Variants in GRIN2B observed in about 807,000 individuals in gnomAD.
GRIN2B encodes glutamate ionotropic receptor NMDA type subunit 2B.
Under a neutral mutation model 114.5 loss-of-function variants are expected in GRIN2B, and 5 were observed. The ratio of observed to expected loss-of-function variants is 0.04; its 90% CI spans 0.02 to 0.09. The LOEUF is 0.09. GRIN2B is among the 10% of genes least tolerant of loss of function. GRIN2B has a pLI of 1.00. For synonymous variants in GRIN2B, 787 were observed against 745.1 expected (o/e 1.06, Z -0.92); for missense variants, 1,108 against 1,943.5 (o/e 0.57, Z 8.08).
At chr12:13,961,987 A>G (rs1314661985) in intron 2 of GRIN2B, among the ~76,000 whole-genome samples, 1 of 152,178 alleles carries the variant, frequency 6.6e-6, no homozygotes, top group Non-Finnish European at 1.5e-5. Flanking sequence ...TCCCTAAGAC[A>G]GAAATCAGAA....
chr12:13,799,863 T>A (rs1286616708), intron 3 of GRIN2B, among the ~76,000 whole-genome samples: 4 of 152,154 alleles, frequency 2.6e-5, no homozygotes, highest in Non-Finnish European at 4.4e-5. Flanking sequence ...GAGAACCTGC[T>A]AGGCAGGGCA....
At chr12:13,587,528 AT>A (rs1204631329) in intron 10 of GRIN2B, among the ~76,000 whole-genome samples, 1 of 151,376 alleles carries the variant, frequency 6.6e-6, no homozygotes. Flanking sequence ...CTAATTTTTA[AT>A]TTTTTTGTAA....
intron 5 of GRIN2B, among the ~76,000 whole-genome samples, chr12:13,634,905 G>C (rs936205054): frequency 6.6e-6 from 1 of 152,164 alleles, no homozygotes; most frequent in Non-Finnish European, 1.5e-5. Context: ...CTGAAGACTG[G>C]GCAGTATAGC....
intron 5 of GRIN2B, among the ~76,000 whole-genome samples, chr12:13,626,815 CCCCCA>C: frequency 3.9e-4 from 1 of 2,588 alleles, no homozygotes; most frequent in Non-Finnish European, 2.3e-3. Flanking sequence ...CCCCCCCTCC[CCCCCA>C]CCCTCCCCCC....
At chr12:13,576,838 C>T (rs1948783755) in intron 10 of GRIN2B, among the ~76,000 whole-genome samples, 1 of 152,230 alleles carries the variant, frequency 6.6e-6, no homozygotes, top group African/African-American at 2.4e-5. Context: ...CAGGCGAGAG[C>T]CACCATGCTG....
chr12:13,836,567 C>T (rs1865269903), intron 3 of GRIN2B, among the ~76,000 whole-genome samples: 1 of 152,188 alleles, frequency 6.6e-6, no homozygotes, highest in African/African-American at 2.4e-5. Flanking sequence ...ACATTAATTA[C>T]TCAAATTATG....
intron 3 of GRIN2B, among the ~76,000 whole-genome samples, chr12:13,865,436 A>G (rs1165394097): frequency 5.9e-5 from 9 of 151,924 alleles, no homozygotes; most frequent in Admixed American, 5.9e-4. Context: ...GTTTGAGACC[A>G]ACCTGGTCAA....
Position 13,582,183 on chromosome 12 carries a change from CAGATT to C in GRIN2B, c.2011-10224_2011-10220del, listed in dbSNP as rs1565462036. 5.3e-5 allele frequency among the ~76,000 whole-genome samples: 8 copies of C among 152,272 alleles called. No homozygotes were observed. The South Asian group carries it at 1.7e-3, about 32-fold the overall frequency. On this transcript the variant is annotated intron_variant, in intron 10 of 13. Coordinates refer to ENST00000609686, the MANE Select transcript of GRIN2B (RefSeq NM_000834.5). ...AACAAACTGGCTGTGGATATGGTGA[CAGATT>C]AGAAAGTTAAACCCTTCACCTCCAT...
chr12:13,885,732 T>G (rs951650581), intron 2 of GRIN2B, among the ~76,000 whole-genome samples: 1 of 152,198 alleles, frequency 6.6e-6, no homozygotes, highest in Non-Finnish European at 1.5e-5. Context: ...AAGTTTTAAA[T>G]AGGAGTCTCA....
intron 2 of GRIN2B, among the ~76,000 whole-genome samples, chr12:13,869,241 CTTTTTTT>C (rs377460231): frequency 6.3e-5 from 8 of 127,370 alleles, no homozygotes; most frequent in Non-Finnish European, 9.8e-5. Flanking sequence ...CTTTTTTTTT[CTTTTTTT>C]TTTTTTTTTT....
intron 3 of GRIN2B, among the ~76,000 whole-genome samples, chr12:13,783,424 G>A (rs1456631714): frequency 2.8e-4 from 2 of 7,042 alleles, no homozygotes; most frequent in Admixed American, 1.8e-3. Flanking sequence ...AATTGGTAAC[G>A]GAAATAGGTT....
In GRIN2B at chr12:13,563,825, C is replaced by T. The variant is rs187979330; in HGVS notation, c.3413G>A (p.Arg1138Gln). 1.2e-4 allele frequency: 190 copies of T among 1,614,096 alleles called. No homozygotes were observed. The highest frequency in any genetic ancestry group is 6.8e-5 in the Non-Finnish European group (80 of 1,180,018). Reference protein sequence around the residue: ...GLRDFYLDQFRTKENSPHWEH... With the variant: ...GLRDFYLDQFQTKENSPHWEH... ...CCAGTGGGGTGAGTTCTCCTTTGTT[C>T]GGAACTGGTCCAGGTAGAAGTCCCG... Residue 1138 changes from arginine to glutamine, a missense_variant, in exon 14 of 14, where the codon CGA becomes CAA. Arg to Gln is a conservative substitution (Grantham distance 43, BLOSUM62 1). Coordinates refer to ENST00000609686, the MANE Select transcript of GRIN2B (RefSeq NM_000834.5).
At position 13,554,921 on chromosome 12, in the gene GRIN2B, A is replaced by G. The variant is rs1268989563; in HGVS notation, c.*7862T>C. 6.6e-6 allele frequency: 1 copy of G among 152,214 alleles called. No homozygotes were observed. The highest frequency in any genetic ancestry group is 1.5e-5 in the Non-Finnish European group (1 of 68,044). The allele number at this position is 152,214 out of a possible 1,614,324, so 9.4% of individuals were successfully genotyped here. A position where few individuals can be genotyped will look rare whatever the true frequency, so the allele number is the denominator to read the frequency against. On this transcript the variant is annotated 3_prime_UTR_variant, in exon 14 of 14. Coordinates refer to ENST00000609686, the MANE Select transcript of GRIN2B (RefSeq NM_000834.5). ...TTGGTGATTATGTTGGTTTGCAGCAATGGTTTTGGATATTTGAGTCAAGAT... is the reference window on the plus strand; with the variant it reads ...TTGGTGATTATGTTGGTTTGCAGCAGTGGTTTTGGATATTTGAGTCAAGAT...
chr12:13,629,070 CT>C (rs1168823517), intron 5 of GRIN2B, among the ~76,000 whole-genome samples: 1 of 152,110 alleles, frequency 6.6e-6, no homozygotes, highest in Admixed American at 6.5e-5. Context: ...TAAGAATGTA[CT>C]TACTGTTCTC....
chr12:13,711,689 ACAC>A (rs1397377867), intron 4 of GRIN2B, among the ~76,000 whole-genome samples: 3 of 152,176 alleles, frequency 2.0e-5, no homozygotes, highest in African/African-American at 7.2e-5. Context: ...ATACCATCTC[ACAC>A]CAGTTAGAAT....
Position 13,553,279 on chromosome 12 carries a change from C to G in GRIN2B, c.*9504G>C, listed in dbSNP as rs528531713. On this transcript the variant is annotated 3_prime_UTR_variant, in exon 14 of 14. Transcript: ENST00000609686. Reference sequence around the variant, plus strand: ...GCCATAAGGTCAGAAGTGATGTTGTCTCCCCCTGAGGTAATGAATCCCTTT... The same window carrying G: ...GCCATAAGGTCAGAAGTGATGTTGTGTCCCCCTGAGGTAATGAATCCCTTT... 108 of 152,328 alleles carry G rather than the reference C, an allele frequency of 7.1e-4. No individual in the cohort carries two copies. The highest frequency in any genetic ancestry group is 2.5e-3 in the African/African-American group (105 of 41,570). 9.4% of individuals were successfully genotyped at this position (152,328 alleles called of 1,614,324 possible).
intron 3 of GRIN2B, among the ~76,000 whole-genome samples, chr12:13,761,174 C>T (rs183222306): frequency 6.6e-6 from 1 of 152,258 alleles, no homozygotes; most frequent in African/African-American, 2.4e-5. Flanking sequence ...GCAGATCTGG[C>T]AAGTTTAAGA....
intron 3 of GRIN2B, among the ~76,000 whole-genome samples, chr12:13,763,739 C>A (rs1353523905): frequency 6.6e-6 from 1 of 152,196 alleles, no homozygotes; most frequent in Non-Finnish European, 1.5e-5. Context: ...GCAGGCAACC[C>A]CATGGCAGGG....
intron 4 of GRIN2B, among the ~76,000 whole-genome samples, chr12:13,705,856 G>A (rs950833648): frequency 2.0e-5 from 3 of 152,110 alleles, no homozygotes; most frequent in Admixed American, 6.6e-5. Flanking sequence ...GACAGCAGGC[G>A]CAGAAAGGTG....
Sources: allele counts gnomAD v4.1 joint callset (sites outside exome capture counted in the v4.1 genomes callset), GRCh38; gene constraint gnomAD v4.1.1; transcripts MANE v1.5; gene names NCBI Gene and HGNC (gene_info 2026-07-23, HGNC 2026-07-21).